LRRC3B: variants seen among roughly 807,000 people sequenced by gnomAD.
LRRC3B encodes leucine-rich repeat-containing protein 3B.
Under a neutral mutation model 12.8 loss-of-function variants are expected in LRRC3B, and 2 were observed. The observed-to-expected ratio is 0.16, with a 90% CI of 0.06 to 0.49. The LOEUF (loss-of-function observed/expected upper bound fraction) is 0.49. Ranked by LOEUF, LRRC3B falls within the 20% of genes least tolerant of loss-of-function variation. The probability of loss-of-function intolerance (pLI) is 0.96; values close to 1 mark genes in which losing one functional copy is unlikely to be tolerated. For synonymous variants in LRRC3B, 132 were observed against 122.0 expected, an observed-to-expected ratio of 1.08 and a Z score of -0.54; for missense variants, 189 against 319.4, an observed-to-expected ratio of 0.59 and a Z score of 3.11.
chr3:26,628,272 T>A (rs1157939837), intron 1 of LRRC3B, among the ~76,000 whole-genome samples: 1 of 152,106 alleles, frequency 6.6e-6, no homozygotes, highest in Non-Finnish European at 1.5e-5. Context: ...TGAATAGATA[T>A]GTTTATACAA....
At chr3:26,704,715 A>G (rs1700542799) in intron 1 of LRRC3B, among the ~76,000 whole-genome samples, 1 of 152,040 alleles carries the variant, frequency 6.6e-6, no homozygotes, top group African/African-American at 2.4e-5. Flanking sequence ...TCCATTTTTT[A>G]AATTAGTTTA....
intron 1 of LRRC3B, among the ~76,000 whole-genome samples, chr3:26,708,186 A>G (rs920354020): frequency 6.6e-6 from 1 of 152,204 alleles, no homozygotes; most frequent in Non-Finnish European, 1.5e-5. Flanking sequence ...CCACTGCTGT[A>G]AGAGGACTGA....
chr3:26,629,971 C>CAAAAA (rs35195778), intron 1 of LRRC3B, among the ~76,000 whole-genome samples: 1 of 93,430 alleles, frequency 1.1e-5, no homozygotes, highest in Non-Finnish European at 2.3e-5. Flanking sequence ...AGAAGCATGG[C>CAAAAA]AAAAAAAAAA....
intron 1 of LRRC3B, among the ~76,000 whole-genome samples, chr3:26,639,882 A>T (rs1410873464): frequency 6.6e-6 from 1 of 152,076 alleles, no homozygotes; most frequent in Admixed American, 6.6e-5. Flanking sequence ...CCTTATGAGT[A>T]TTTATTATTT....
chr3:26,671,350 G>GTGTATATATA (rs1338809866), intron 1 of LRRC3B, among the ~76,000 whole-genome samples: 2 of 56,756 alleles, frequency 3.5e-5, no homozygotes, highest in Admixed American at 2.7e-4. Flanking sequence ...ATATATGTGT[G>GTGTATATATA]TATATATATA....
intron 1 of LRRC3B, among the ~76,000 whole-genome samples, chr3:26,707,950 G>C (rs57108752): frequency 3.3e-5 from 5 of 152,116 alleles, no homozygotes; most frequent in African/African-American, 1.2e-4. Flanking sequence ...TAAGGGACTC[G>C]ACTCAGTTTT....
At chr3:26,684,988 T>C (rs777842470) in intron 1 of LRRC3B, among the ~76,000 whole-genome samples, 1 of 151,988 alleles carries the variant, frequency 6.6e-6, no homozygotes, top group Non-Finnish European at 1.5e-5. Flanking sequence ...AGTTTTGCTC[T>C]TGTTGCCCAG....
intron 1 of LRRC3B, among the ~76,000 whole-genome samples, chr3:26,634,346 G>T (rs190399868): frequency 1.3e-5 from 2 of 152,188 alleles, no homozygotes; most frequent in African/African-American, 2.4e-5. Context: ...ACCGCCCTAC[G>T]CATGGTTTAA....
chr3:26,705,914 C>G (rs1386027024), intron 1 of LRRC3B, among the ~76,000 whole-genome samples: 1 of 152,156 alleles, frequency 6.6e-6, no homozygotes, highest in Non-Finnish European at 1.5e-5. Flanking sequence ...GAGAGCAGCT[C>G]TTCCATCCTC....
intron 1 of LRRC3B, among the ~76,000 whole-genome samples, chr3:26,672,206 GA>G (rs1177174491): frequency 2.0e-5 from 3 of 151,602 alleles, no homozygotes; most frequent in South Asian, 2.1e-4. Flanking sequence ...AAGATATTAA[GA>G]AAAAAAAGTG....
chr3:26,691,105 G>GTGTATA (rs372629683), intron 1 of LRRC3B, among the ~76,000 whole-genome samples: 1,072 of 84,796 alleles, frequency 0.013, 19 homozygotes, highest in South Asian at 0.048. Context: ...GTGTGTGTGT[G>GTGTATA]TATATATATA....
chr3:26,659,373 A>G (rs983051532), intron 1 of LRRC3B, among the ~76,000 whole-genome samples: 1 of 152,212 alleles, frequency 6.6e-6, no homozygotes. Flanking sequence ...GTCCTTGAAT[A>G]AGTCCTTTCA....
At chr3:26,672,326 T>C (rs1356105036) in intron 1 of LRRC3B, among the ~76,000 whole-genome samples, 1 of 152,198 alleles carries the variant, frequency 6.6e-6, no homozygotes, top group Admixed American at 6.5e-5. Context: ...TTTGCCAGCC[T>C]GATTTCTTAT....
intron 1 of LRRC3B, among the ~76,000 whole-genome samples, chr3:26,669,432 C>T (rs1354842807): frequency 1.3e-5 from 2 of 152,136 alleles, no homozygotes; most frequent in Non-Finnish European, 2.9e-5. Context: ...TTTACTAGAT[C>T]CAGTAAATGA....
chr3:26,709,929 A>C (rs1700707489), exon 2 of LRRC3B: 1 of 1,613,896 alleles, frequency 6.2e-7, no homozygotes, highest in African/African-American at 1.3e-5. Context: ...ATTTTTAAGG[A>C]CCTCCATCAA....
At chr3:26,637,549 T>G (rs1191891351) in intron 1 of LRRC3B, among the ~76,000 whole-genome samples, 1 of 152,186 alleles carries the variant, frequency 6.6e-6, no homozygotes, top group Non-Finnish European at 1.5e-5. Flanking sequence ...ACACATTGTG[T>G]CCAGGGCTAG....
intron 1 of LRRC3B, among the ~76,000 whole-genome samples, chr3:26,680,574 G>A (rs930475149): frequency 5.3e-5 from 8 of 152,286 alleles, no homozygotes; most frequent in South Asian, 2.1e-4. Context: ...GTTCCCCAAC[G>A]CCTCTCCGTC....
chr3:26,676,196 T>G (rs1207248602), intron 1 of LRRC3B, among the ~76,000 whole-genome samples: 7 of 151,924 alleles, frequency 4.6e-5, no homozygotes, highest in Non-Finnish European at 4.4e-5. Context: ...ACTTGTCATT[T>G]AGCATTAGGT....
chr3:26,659,871 C>T (rs1212765419), intron 1 of LRRC3B, among the ~76,000 whole-genome samples: 7 of 152,256 alleles, frequency 4.6e-5, no homozygotes, highest in Admixed American at 1.3e-4. Context: ...GATTCTCTAA[C>T]GCCTCCTGTA....
Sources: allele counts gnomAD v4.1 joint callset (sites outside exome capture counted in the v4.1 genomes callset), GRCh38; gene constraint gnomAD v4.1.1; transcripts MANE v1.5; gene names NCBI Gene and HGNC (gene_info 2026-07-23, HGNC 2026-07-21).